Variants in KLHDC4 observed in about 807,000 individuals in gnomAD.
KLHDC4 encodes the protein kelch domain containing 4, also known as kelch domain-containing protein 4.
KLHDC4 carries 90 observed loss-of-function variants against 62.4 expected under a neutral mutation model. That is an observed-to-expected ratio of 1.44 (90% confidence interval 1.22 to 1.72). The LOEUF is 1.72. Among genes scored for constraint, KLHDC4 ranks in the 40% most tolerant of loss-of-function variants. The pLI is 0.00. For missense variants in KLHDC4, 1,025 were observed against 699.7 expected, an observed-to-expected ratio of 1.47 and a Z score of -5.25; for synonymous variants, 386 against 284.4, an observed-to-expected ratio of 1.36 and a Z score of -3.59.
At chr16:87,721,882 G>T (rs1472619079) in intron 7 of KLHDC4, among the ~76,000 whole-genome samples, 1 of 151,966 alleles carries the variant, frequency 6.6e-6, no homozygotes, top group Middle Eastern at 3.4e-3. Context: ...GCAGGACTCC[G>T]CCCCTCGCTG....
chr16:87,701,571 G>A (rs1386000085), exon 1 of KLHDC4: 2 of 409,112 alleles, frequency 4.9e-6, no homozygotes, highest in Non-Finnish European at 1.0e-5. Context: ...GTAGCCGGGT[G>A]CTGGGCCCAG....
chr16:87,726,821 G>A lies in KLHDC4; in HGVS notation c.703C>T (p.Gln235Ter). Reference protein sequence around the residue: ...GTGPTPRSGCQMSVTPQGGIV... With the variant: ...GTGPTPRSGC Reference sequence around the variant, plus strand: ...CCGCCCTGGGGAGTGACGGACATCTGGCAGCCTGATCTGGGTGTGGGCCCC... The same window carrying A: ...CCGCCCTGGGGAGTGACGGACATCTAGCAGCCTGATCTGGGTGTGGGCCCC... Residue 235 changes from glutamine to a stop codon, truncating the protein, a stop_gained, in exon 7 of 12, where the codon CAG becomes TAG. Transcript: ENST00000270583. LOFTEE classifies it high-confidence loss of function. The A allele has an allele frequency of 6.2e-7, 1 of 1,611,230 alleles. No individual in the cohort carries two copies. The highest frequency in any genetic ancestry group is 8.5e-7 in the Non-Finnish European group (1 of 1,179,006).
intron 5 of KLHDC4, among the ~76,000 whole-genome samples, chr16:87,746,765 C>G (rs1379786657): frequency 6.6e-6 from 1 of 152,062 alleles, no homozygotes; most frequent in African/African-American, 2.4e-5. Context: ...AACTGGGGGC[C>G]AAGAATCGCA....
chr16:87,733,468 G>A (rs1392399315), intron 5 of KLHDC4, among the ~76,000 whole-genome samples: 3 of 152,220 alleles, frequency 2.0e-5, no homozygotes, highest in Non-Finnish European at 4.4e-5. Context: ...TGAACAGGGT[G>A]CGTGTGCTGG....
intron 11 of KLHDC4, 77 bp downstream of exon 11, chr16:87,708,273 A>G (rs993383440): frequency 8.9e-6 from 9 of 1,010,148 alleles, no homozygotes; most frequent in Non-Finnish European, 1.3e-5. Flanking sequence ...CTGAATTCCA[A>G]TAAGCATCCG....
chr16:87,728,174 G>C (rs1404813235), intron 6 of KLHDC4, among the ~76,000 whole-genome samples: 1 of 152,188 alleles, frequency 6.6e-6, no homozygotes, highest in African/African-American at 2.4e-5. Flanking sequence ...GATCGAGTGA[G>C]AATCTGTCTC....
chr16:87,756,721 C>CAAAAAAAAAAAAA (rs35385743), intron 2 of KLHDC4, among the ~76,000 whole-genome samples: 1 of 98,814 alleles, frequency 1.0e-5, no homozygotes. Flanking sequence ...GTTGTATTAA[C>CAAAAAAAAAAAAA]AAAAAAAAAA....
chr16:87,720,594 C>T (rs1213769619), intron 7 of KLHDC4, among the ~76,000 whole-genome samples: 1 of 152,230 alleles, frequency 6.6e-6, no homozygotes, highest in Non-Finnish European at 1.5e-5. Flanking sequence ...AGGCATCTCA[C>T]GTTTTGCGGG....
chr16:87,701,475 C>T, exon 1 of KLHDC4: 1 of 352,994 alleles, frequency 2.8e-6, no homozygotes, highest in South Asian at 2.1e-5. Flanking sequence ...CCACAGCGTT[C>T]ATGCCAGCTT....
chr16:87,752,417 C>T (rs1226667837), intron 4 of KLHDC4, among the ~76,000 whole-genome samples: 1 of 150,500 alleles, frequency 6.6e-6, no homozygotes, highest in Admixed American at 6.6e-5. Context: ...CTCACTGCAA[C>T]CTCCAACGCC....
intron 5 of KLHDC4, among the ~76,000 whole-genome samples, chr16:87,733,432 A>G (rs1457104458): frequency 2.0e-5 from 3 of 152,188 alleles, no homozygotes; most frequent in Admixed American, 1.3e-4. Flanking sequence ...GGCACACAGG[A>G]ATGGCTTTGG....
chr16:87,765,726 G>T, intron 1 of KLHDC4, 66 bp downstream of exon 1: 2 of 1,442,364 alleles, frequency 1.4e-6, no homozygotes, highest in Non-Finnish European at 1.9e-6. Context: ...CCCGGGGGGC[G>T]CAGGGAGTCG....
intron 5 of KLHDC4, among the ~76,000 whole-genome samples, chr16:87,734,901 A>G (rs2041016675): frequency 1.3e-5 from 2 of 151,788 alleles, no homozygotes; most frequent in South Asian, 4.2e-4. Context: ...GCGGAGCAAG[A>G]AAAGAACGCC....
At chr16:87,722,161 T>C (rs1261035357) in intron 7 of KLHDC4, among the ~76,000 whole-genome samples, 1 of 152,178 alleles carries the variant, frequency 6.6e-6, no homozygotes, top group Non-Finnish European at 1.5e-5. Context: ...TGCATCTCTT[T>C]CGTTAGGATA....
At chr16:87,737,554 C>T (rs1033499955) in intron 5 of KLHDC4, among the ~76,000 whole-genome samples, 4 of 151,800 alleles carry the variant, frequency 2.6e-5, no homozygotes, top group African/African-American at 9.7e-5. Flanking sequence ...CACCACCGCA[C>T]TCCAGCTCAC....
chr16:87,735,866 G>A (rs1022972635), intron 5 of KLHDC4, among the ~76,000 whole-genome samples: 7 of 152,234 alleles, frequency 4.6e-5, no homozygotes, highest in African/African-American at 1.7e-4. Flanking sequence ...CTGCCAGGCA[G>A]TGTCACCACC....
At chr16:87,730,872 C>G in intron 5 of KLHDC4, 1 of 454,032 alleles carries the variant, frequency 2.2e-6, no homozygotes, top group Non-Finnish European at 3.9e-6. Context: ...AGAACATCTC[C>G]AAGACCTTGG....
At position 87,748,799 on chromosome 16, in the gene KLHDC4, A is replaced by C. The variant is rs2043436299; in HGVS notation, c.380T>G (p.Val127Gly). ...PRRCAHQAVV[V>G]PQGGGQLWVF... The stretch of plus-strand genomic sequence containing the variant: ...CCACAGCTGTCCGCCACCTTGAGGC[A>C]CTACCACCGCCTGTGAAAAGAAAGG... The change falls in exon 5 of 12, where the codon GTG (valine) becomes GGG (glycine). Residue 127 changes from valine to glycine, a missense_variant. Coordinates refer to ENST00000270583, the MANE Select transcript of KLHDC4 (RefSeq NM_017566.4). 6.2e-7 allele frequency: 1 copy of C among 1,612,482 alleles called. No individual in the cohort carries two copies. The highest frequency in any genetic ancestry group is 1.7e-5 in the Admixed American group (1 of 59,726).
intron 5 of KLHDC4, among the ~76,000 whole-genome samples, chr16:87,737,755 T>G (rs2041587181): frequency 6.6e-6 from 1 of 152,028 alleles, no homozygotes; most frequent in Non-Finnish European, 1.5e-5. Context: ...GCCTGGCTAA[T>G]ATTTTTCTGT....
Sources: allele counts gnomAD v4.1 joint callset (sites outside exome capture counted in the v4.1 genomes callset), GRCh38; gene constraint gnomAD v4.1.1; transcripts MANE v1.5; gene names NCBI Gene and HGNC (gene_info 2026-07-23, HGNC 2026-07-21).